Variants in CRYBA4 observed in about 807,000 individuals in gnomAD.
CRYBA4 encodes crystallin beta A4.
A neutral mutation model predicts 31.7 loss-of-function variants in CRYBA4; 30 were observed. The ratio of observed to expected loss-of-function variants is 0.95; its 90% CI spans 0.71 to 1.28. The LOEUF is 1.28. Ranked by LOEUF, CRYBA4 falls within the 50% of genes most tolerant of loss-of-function variation. The pLI, the probability that CRYBA4 is intolerant of heterozygous loss-of-function variation, is 0.00. For synonymous variants in CRYBA4, 102 were observed against 102.3 expected (o/e 1.00, Z 0.02); for missense variants, 225 against 260.7 (o/e 0.86, Z 0.94).
At chr22:26,624,824 G>A (rs1358595353) in intron 3 of CRYBA4, among the ~76,000 whole-genome samples, 1 of 152,212 alleles carries the variant, frequency 6.6e-6, no homozygotes, top group Non-Finnish European at 1.5e-5. Flanking sequence ...TAGGAACCCC[G>A]TGGCTGAAGA....
intron 4 of CRYBA4, among the ~76,000 whole-genome samples, chr22:26,627,087 G>A (rs1602341185): frequency 6.6e-6 from 1 of 152,058 alleles, no homozygotes; most frequent in African/African-American, 2.4e-5. Context: ...GACCCGTGGC[G>A]GGCTGCAACA....
At chr22:26,594,864 T>G in the CRYBA4 span, among the ~76,000 whole-genome samples, 3 of 152,240 alleles carry the variant, frequency 2.0e-5, no homozygotes, top group East Asian at 5.8e-4. Flanking sequence ...GGACTCATCA[T>G]GATTTCTGGG....
At chr22:26,607,557 T>TG in the CRYBA4 span, among the ~76,000 whole-genome samples, 18,434 of 105,208 alleles carry the variant, frequency 0.18, 1,301 homozygotes, top group East Asian at 0.41. Context: ...ACCCCATCTT[T>TG]GGGAAAAAAA....
At chr22:26,605,858 A>C in the CRYBA4 span, among the ~76,000 whole-genome samples, 7 of 151,924 alleles carry the variant, frequency 4.6e-5, no homozygotes, top group Admixed American at 4.6e-4. Context: ...CAGGTCAGAG[A>C]TGATGGTGGC....
the CRYBA4 span, chr22:26,599,352 G>T: frequency 1.3e-6 from 1 of 746,066 alleles, no homozygotes; most frequent in East Asian, 2.5e-5. Flanking sequence ...AGTAACTATG[G>T]GGGACCTCAA....
At position 26,630,504 on chromosome 22, in the gene CRYBA4, G is replaced by T; in HGVS notation, c.*17G>T. On this transcript the variant is annotated 3_prime_UTR_variant, in exon 6 of 6. Transcript: ENST00000354760. ...CAGCAGTGAACAGGGGTGCGGCACGGAGGAGCGCATGCGTGCTTATCTGCA... is the reference window on the plus strand; with the variant it reads ...CAGCAGTGAACAGGGGTGCGGCACGTAGGAGCGCATGCGTGCTTATCTGCA... 1 of 1,609,394 alleles carries T rather than the reference G, an allele frequency of 6.2e-7. No individual in the cohort carries two copies. Among genetic ancestry groups the T allele is most frequent in the South Asian group, 1.1e-5 (1 of 90,872 alleles).
chr22:26,617,651 A>C (rs1929400100), upstream of CRYBA4, among the ~76,000 whole-genome samples: 1 of 145,832 alleles, frequency 6.9e-6, no homozygotes, highest in Non-Finnish European at 1.5e-5. Flanking sequence ...TCTGTTTCTT[A>C]CTTCTCTCCC....
chr22:26,593,376 T>C, the CRYBA4 span, among the ~76,000 whole-genome samples: 4 of 152,118 alleles, frequency 2.6e-5, no homozygotes, highest in Non-Finnish European at 5.9e-5. Flanking sequence ...AATGGCTCAC[T>C]CCTGTAATTC....
the CRYBA4 span, chr22:26,599,167 C>T: frequency 5.4e-6 from 2 of 371,834 alleles, no homozygotes; most frequent in Admixed American, 4.1e-5. Context: ...CAGCATCTCA[C>T]AGGTGTATCT....
chr22:26,603,117 C>T, the CRYBA4 span, among the ~76,000 whole-genome samples: 1 of 136,252 alleles, frequency 7.3e-6, no homozygotes, highest in Non-Finnish European at 1.5e-5. Flanking sequence ...CAGAGCGAGA[C>T]TCCGTCTCAA....
At chr22:26,604,557 C>T in the CRYBA4 span, among the ~76,000 whole-genome samples, 3 of 152,098 alleles carry the variant, frequency 2.0e-5, no homozygotes, top group East Asian at 5.8e-4. Flanking sequence ...AGAAGTGACA[C>T]TAGAGAGGGA....
At chr22:26,602,761 C>T in the CRYBA4 span, among the ~76,000 whole-genome samples, 1 of 152,050 alleles carries the variant, frequency 6.6e-6, no homozygotes, top group Non-Finnish European at 1.5e-5. Flanking sequence ...AACCAATTGC[C>T]CTTTTGTAAA....
At chr22:26,591,965 A>G in the CRYBA4 span, among the ~76,000 whole-genome samples, 2 of 151,408 alleles carry the variant, frequency 1.3e-5, no homozygotes, top group Admixed American at 6.6e-5. Context: ...TAATTTGCCC[A>G]TGGCCAGCCA....
chr22:26,627,654 C>CTTAA (rs1929793557), intron 4 of CRYBA4, among the ~76,000 whole-genome samples: 1 of 139,124 alleles, frequency 7.2e-6, no homozygotes, highest in African/African-American at 2.7e-5. Context: ...CTCTTTCTTT[C>CTTAA]TTTCTTTCTT....
the CRYBA4 span, chr22:26,616,199 G>A: frequency 3.1e-6 from 5 of 1,614,196 alleles, no homozygotes; most frequent in South Asian, 5.5e-5. Flanking sequence ...ACGGTTGTTG[G>A]GGCCAGGGTA....
the CRYBA4 span, among the ~76,000 whole-genome samples, chr22:26,611,695 C>T: frequency 6.6e-6 from 1 of 151,940 alleles, no homozygotes; most frequent in African/African-American, 2.4e-5. Context: ...AGGATGGTCT[C>T]GATCTCCTGA....
chr22:26,623,379 G>A (rs1008306303), intron 3 of CRYBA4, 27 bp downstream of exon 3: 52 of 1,569,940 alleles, frequency 3.3e-5, no homozygotes, highest in African/African-American at 5.4e-5. Flanking sequence ...ACTGAGTTGG[G>A]GTAGAGGGTG....
upstream of CRYBA4, among the ~76,000 whole-genome samples, chr22:26,621,459 C>T (rs1929527809): frequency 6.6e-6 from 1 of 152,184 alleles, no homozygotes; most frequent in African/African-American, 2.4e-5. Context: ...GTTCAAATGC[C>T]TCCTCTAACG....
chr22:26,614,057 C>A, the CRYBA4 span, among the ~76,000 whole-genome samples: 1 of 152,126 alleles, frequency 6.6e-6, no homozygotes, highest in Non-Finnish European at 1.5e-5. Flanking sequence ...TAAATTTTGG[C>A]CAGACCGGTT....
Sources: allele counts gnomAD v4.1 joint callset (sites outside exome capture counted in the v4.1 genomes callset), GRCh38; gene constraint gnomAD v4.1.1; transcripts MANE v1.5; gene names NCBI Gene and HGNC (gene_info 2026-07-23, HGNC 2026-07-21).